The following COP1 variants were observed in gnomAD, a reference collection of about 807,000 sequenced individuals.
The protein encoded by COP1 is E3 ubiquitin-protein ligase COP1.
In COP1, 24 loss-of-function variants were observed where a neutral mutation model predicts 101.3. The ratio of observed to expected loss-of-function variants is 0.24; its 90% confidence interval spans 0.17 to 0.33. The LOEUF is 0.33. Among genes scored for constraint, COP1 ranks in the 10% least tolerant of loss-of-function variants. The pLI, the probability that COP1 is intolerant of heterozygous loss-of-function variation, is 1.00. For missense variants in COP1, 663 were observed against 906.2 expected, an observed-to-expected ratio of 0.73 and a Z score of 3.45; for synonymous variants, 347 against 341.9, an observed-to-expected ratio of 1.01 and a Z score of -0.17.
intron 15 of COP1, among the ~76,000 whole-genome samples, chr1:176,006,244 C>G (rs1159426462): frequency 1.3e-5 from 2 of 152,006 alleles, no homozygotes; most frequent in Admixed American, 6.6e-5. Flanking sequence ...ATGTGTGTCT[C>G]TGCACGTGAG....
At chr1:176,029,871 C>G (rs979008536) in intron 14 of COP1, among the ~76,000 whole-genome samples, 1 of 152,132 alleles carries the variant, frequency 6.6e-6, no homozygotes, top group Non-Finnish European at 1.5e-5. Flanking sequence ...AAAAATATTG[C>G]TAATTTACAA....
At chr1:176,031,260 T>A (rs1668602725) in intron 14 of COP1, among the ~76,000 whole-genome samples, 1 of 152,150 alleles carries the variant, frequency 6.6e-6, no homozygotes, top group Admixed American at 6.5e-5. Context: ...TGAAATCTAT[T>A]TAATATCCTA....
intron 15 of COP1, among the ~76,000 whole-genome samples, chr1:176,025,587 T>C: frequency 6.6e-6 from 1 of 151,212 alleles, no homozygotes. Context: ...TATTATGAAA[T>C]CTCATTGAAA....
chr1:176,140,639 A>G (rs1029197306), intron 6 of COP1, among the ~76,000 whole-genome samples: 5 of 152,160 alleles, frequency 3.3e-5, no homozygotes, highest in Admixed American at 6.5e-5. Context: ...TAACCCCGGG[A>G]AGGAGAACTT....
At chr1:176,058,853 A>AC (rs1553245462) in intron 11 of COP1, among the ~76,000 whole-genome samples, 1 of 151,772 alleles carries the variant, frequency 6.6e-6, no homozygotes, top group Non-Finnish European at 1.5e-5. Context: ...GCCTCCTCAG[A>AC]TCCCATATGT....
At chr1:176,048,886 T>C (rs574358587) in intron 11 of COP1, among the ~76,000 whole-genome samples, 2 of 152,256 alleles carry the variant, frequency 1.3e-5, no homozygotes, top group East Asian at 3.9e-4. Context: ...GTCAAAAGAA[T>C]TAAGGGCCGG....
At chr1:176,124,190 T>C (rs913036958) in intron 8 of COP1, among the ~76,000 whole-genome samples, 2 of 152,186 alleles carry the variant, frequency 1.3e-5, no homozygotes, top group African/African-American at 4.8e-5. Flanking sequence ...GGTACAGGCA[T>C]GCAATATGTA....
At chr1:176,143,144 G>C (rs1690997452) in intron 6 of COP1, among the ~76,000 whole-genome samples, 1 of 148,534 alleles carries the variant, frequency 6.7e-6, no homozygotes, top group African/African-American at 2.6e-5. Context: ...GAGAGCGAGA[G>C]AAAGAGAGAG....
In COP1 at chr1:176,040,953, G is replaced by A. The variant is rs115724623; in HGVS notation, c.1612+2233C>T. On this transcript the variant is annotated intron_variant, in intron 14 of 19. Transcript: ENST00000367669. ...TTAACATAGCTTTATACACTTAATG[G>A]TGAGAAGAACCAGACCAAAACAGCA... 2.0e-3 allele frequency among the ~76,000 whole-genome samples: 299 copies of A among 152,256 alleles called. 2 individuals are homozygous for A. Among genetic ancestry groups the A allele is most frequent in the Middle Eastern group, 6.8e-3 (2 of 294 alleles).
chr1:176,078,756 G>T (rs1273819378), intron 11 of COP1, among the ~76,000 whole-genome samples: 2 of 151,568 alleles, frequency 1.3e-5, no homozygotes, highest in Non-Finnish European at 2.9e-5. Flanking sequence ...TCTGACAAAG[G>T]CCTAATCTCT....
intron 18 of COP1, chr1:175,982,255 A>G (rs1571380802): frequency 2.4e-6 from 1 of 414,228 alleles, no homozygotes; most frequent in East Asian, 7.2e-5. Flanking sequence ...TGCATTATTC[A>G]CAACAGCAAA....
At chr1:176,185,119 A>G (rs948000969) in intron 1 of COP1, among the ~76,000 whole-genome samples, 1 of 152,192 alleles carries the variant, frequency 6.6e-6, no homozygotes, top group Admixed American at 6.5e-5. Flanking sequence ...TTGAGTGATA[A>G]ATTTATTATT....
chr1:176,124,436 C>T (rs1341232668), intron 8 of COP1, among the ~76,000 whole-genome samples: 1 of 150,736 alleles, frequency 6.6e-6, no homozygotes, highest in African/African-American at 2.4e-5. Flanking sequence ...TACCCCTTTC[C>T]CAGCTTCTGG....
intron 11 of COP1, among the ~76,000 whole-genome samples, chr1:176,058,876 T>TC (rs1170500858): frequency 1.3e-5 from 2 of 152,146 alleles, no homozygotes; most frequent in Non-Finnish European, 2.9e-5. Flanking sequence ...GTTACTGACT[T>TC]CAACTACTGG....
intron 8 of COP1, among the ~76,000 whole-genome samples, chr1:176,131,137 T>A (rs1688815457): frequency 6.6e-6 from 1 of 151,752 alleles, no homozygotes; most frequent in Admixed American, 6.6e-5. Flanking sequence ...AACAATAGGC[T>A]GGGGCTAGGC....
chr1:176,158,097 A>G lies in COP1; in HGVS notation c.762+4772T>C, dbSNP rs539119612. On this transcript the variant is annotated intron_variant, in intron 5 of 19. Coordinates refer to ENST00000367669, the MANE Select transcript of COP1 (RefSeq NM_022457.7). ...CCAATAACAAAAAACACAAAGGGGGAAAAAAAAAACCTCTACTGCAAGGCA... is the reference window on the plus strand; with the variant it reads ...CCAATAACAAAAAACACAAAGGGGGGAAAAAAAAACCTCTACTGCAAGGCA... Among the ~76,000 whole-genome samples, 206 of 148,856 alleles carry G rather than the reference A, an allele frequency of 1.4e-3. 2 individuals are homozygous for G. Among genetic ancestry groups the G allele is most frequent in the African/African-American group, 4.6e-3 (184 of 40,134 alleles).
At chr1:176,144,182 G>A (rs1691207899) in intron 6 of COP1, among the ~76,000 whole-genome samples, 1 of 152,092 alleles carries the variant, frequency 6.6e-6, no homozygotes, top group Admixed American at 6.6e-5. Flanking sequence ...ATTATTTGCA[G>A]ATTATGATGT....
At chr1:176,058,046 G>C (rs1673977808) in intron 11 of COP1, among the ~76,000 whole-genome samples, 1 of 142,264 alleles carries the variant, frequency 7.0e-6, no homozygotes, top group Non-Finnish European at 1.6e-5. Context: ...AAGTGAGGAG[G>C]CCCTCCGCCC....
At chr1:176,167,697 G>A (rs1695348869) in intron 3 of COP1, among the ~76,000 whole-genome samples, 1 of 152,212 alleles carries the variant, frequency 6.6e-6, no homozygotes, top group South Asian at 2.1e-4. Flanking sequence ...TTCAAGCAAC[G>A]GTCTTTTTAG....
Sources: allele counts gnomAD v4.1 joint callset (sites outside exome capture counted in the v4.1 genomes callset), GRCh38; gene constraint gnomAD v4.1.1; transcripts MANE v1.5; gene names NCBI Gene and HGNC (gene_info 2026-07-23, HGNC 2026-07-21).